MAGI2: variants seen among roughly 807,000 people sequenced by gnomAD.
MAGI2 encodes membrane-associated guanylate kinase, WW and PDZ domain-containing protein 2.
In MAGI2, 35 loss-of-function variants were observed where a neutral mutation model predicts 133.3. That is an observed-to-expected ratio of 0.26 (90% CI 0.20 to 0.35). The LOEUF is 0.35. Ranked by LOEUF, MAGI2 falls within the 10% of genes least tolerant of loss-of-function variation. The pLI is 1.00. For synonymous variants in MAGI2, 729 were observed against 710.6 expected, an observed-to-expected ratio of 1.03 and a Z score of -0.41; for missense variants, 1,636 against 1,863.4, an observed-to-expected ratio of 0.88 and a Z score of 2.25.
chr7:78,358,193 AAAAATATATATATATAT>A (rs1362423421), intron 7 of MAGI2: 3 of 33,548 alleles, frequency 8.9e-5, no homozygotes, highest in African/African-American at 1.6e-4. Flanking sequence ...AAAAAAAAAA[AAAAATATATATATATAT>A]ATATATATAT....
At chr7:79,258,904 C>G (rs907286399) in intron 1 of MAGI2, among the ~76,000 whole-genome samples, 1 of 152,248 alleles carries the variant, frequency 6.6e-6, no homozygotes, top group African/African-American at 2.4e-5. Flanking sequence ...ATGGAGCAAT[C>G]TACTATCTTC....
intron 1 of MAGI2, among the ~76,000 whole-genome samples, chr7:79,436,421 A>G (rs1468676052): frequency 1.3e-5 from 2 of 152,062 alleles, no homozygotes; most frequent in Non-Finnish European, 2.9e-5. Context: ...AGACAACCTA[A>G]AGAATAGGAG....
chr7:78,169,812 A>G (rs1825950319), intron 14 of MAGI2, among the ~76,000 whole-genome samples: 1 of 152,186 alleles, frequency 6.6e-6, no homozygotes, highest in African/African-American at 2.4e-5. Flanking sequence ...CCTGCAACTC[A>G]CTGTAACCAT....
chr7:79,389,359 A>G (rs1225528593), intron 1 of MAGI2, among the ~76,000 whole-genome samples: 1 of 152,124 alleles, frequency 6.6e-6, no homozygotes, highest in Non-Finnish European at 1.5e-5. Flanking sequence ...CTAGGAAATA[A>G]AATTAAATTT....
intron 11 of MAGI2, chr7:78,197,801 C>T (rs1011824881): frequency 4.6e-5 from 7 of 152,406 alleles, no homozygotes; most frequent in African/African-American, 1.7e-4. Context: ...CCCACCACCT[C>T]CTGCCCTGCT....
chr7:78,405,907 T>C (rs1583936201), intron 6 of MAGI2, among the ~76,000 whole-genome samples: 1 of 70,278 alleles, frequency 1.4e-5, no homozygotes, highest in Non-Finnish European at 2.7e-5. Flanking sequence ...CTAGAAAATA[T>C]ACATTTTTGA....
At chr7:78,337,210 G>A (rs188777182) in intron 9 of MAGI2, among the ~76,000 whole-genome samples, 250 of 152,340 alleles carry the variant, frequency 1.6e-3, no homozygotes, top group Non-Finnish European at 2.8e-3. Context: ...TTGCTGGGAT[G>A]TGTAGAATAC....
chr7:78,768,279 AT>A (rs1825229501), intron 2 of MAGI2, among the ~76,000 whole-genome samples: 1 of 152,196 alleles, frequency 6.6e-6, no homozygotes, highest in Non-Finnish European at 1.5e-5. Flanking sequence ...TTTGAGATCC[AT>A]GTTTTCATTA....
At chr7:78,791,471 G>A (rs888866076) in intron 2 of MAGI2, among the ~76,000 whole-genome samples, 3 of 151,768 alleles carry the variant, frequency 2.0e-5, no homozygotes, top group African/African-American at 7.3e-5. Flanking sequence ...AGAAAACAGA[G>A]TTGGGCAAAA....
rs532963989 is a variant in MAGI2 at position 79,324,466 on chromosome 7, C to T, written c.301+128554G>A. 1.5e-4 allele frequency among the ~76,000 whole-genome samples: 11 copies of T among 73,950 alleles called. 2 individuals are homozygous for T. Among genetic ancestry groups the T allele is most frequent in the African/African-American group, 4.5e-4 (10 of 22,102 alleles). The allele number at this position is 73,950 out of a possible 152,430, so 48.5% of individuals were successfully genotyped here. On this transcript the variant is annotated intron_variant, in intron 1 of 21. Transcript: ENST00000354212. ...ATATATATATGGTTATAGATAGATA[C>T]GTTGTGTGTGTATATATACATATAT...
rs76285500 is a variant in MAGI2 at position 78,733,556 on chromosome 7, C to T, written c.419-106317G>A. Among the ~76,000 whole-genome samples the T allele has an allele frequency of 6.9e-4, 105 of 152,102 alleles. No individual in the cohort carries two copies. The East Asian group carries it at 7.9e-3, about 11-fold the overall frequency. ...TCTTTCTGAGTTCCATGTTATTTTCCGGTTAAATAAATTCAGTGAAATCAA... is the reference window on the plus strand; with the variant it reads ...TCTTTCTGAGTTCCATGTTATTTTCTGGTTAAATAAATTCAGTGAAATCAA... On this transcript the variant is annotated intron_variant, in intron 2 of 21. Coordinates refer to ENST00000354212, the MANE Select transcript of MAGI2 (RefSeq NM_012301.4).
intron 1 of MAGI2, among the ~76,000 whole-genome samples, chr7:79,016,013 G>GGGGGGGGGGGGGGGAA (rs1808692130): frequency 1.2e-5 from 1 of 85,228 alleles, no homozygotes; most frequent in Admixed American, 1.2e-4. Flanking sequence ...GGGGGGGGTG[G>GGGGGGGGGGGGGGGAA]GGGTTGAGCA....
chr7:78,430,581 T>C (rs996783906), intron 6 of MAGI2, among the ~76,000 whole-genome samples: 2 of 152,078 alleles, frequency 1.3e-5, no homozygotes, highest in Admixed American at 1.3e-4. Context: ...TCTCTCATAT[T>C]TGATGAAAGT....
intron 3 of MAGI2, among the ~76,000 whole-genome samples, chr7:78,576,608 TACACATAG>T (rs1348365909): frequency 6.8e-6 from 1 of 147,474 alleles, no homozygotes; most frequent in African/African-American, 2.4e-5. Context: ...GAAGGAATGT[TACACATAG>T]ACACCAAGGA....
intron 21 of MAGI2, among the ~76,000 whole-genome samples, chr7:78,066,686 T>A (rs570673630): frequency 6.6e-6 from 1 of 152,238 alleles, no homozygotes; most frequent in South Asian, 2.1e-4. Context: ...TACTAGAAAT[T>A]CTGGAATATC....
At chr7:78,634,680 TG>T (rs1211452363) in intron 2 of MAGI2, among the ~76,000 whole-genome samples, 1 of 152,182 alleles carries the variant, frequency 6.6e-6, no homozygotes, top group African/African-American at 2.4e-5. Flanking sequence ...CAGTTGCTTT[TG>T]CAACTCAAAA....
intron 2 of MAGI2, among the ~76,000 whole-genome samples, chr7:78,961,935 C>G (rs986822253): frequency 2.0e-5 from 3 of 151,612 alleles, no homozygotes; most frequent in Non-Finnish European, 2.9e-5. Context: ...TAGCCTATTG[C>G]TCCCAGGCCA....
intron 6 of MAGI2, among the ~76,000 whole-genome samples, chr7:78,410,961 T>C (rs1797819870): frequency 6.6e-6 from 1 of 151,996 alleles, no homozygotes; most frequent in African/African-American, 2.4e-5. Context: ...GATGTTATCG[T>C]TGATGGTCAG....
chr7:78,826,156 T>A (rs1790611571), intron 2 of MAGI2, among the ~76,000 whole-genome samples: 2 of 151,674 alleles, frequency 1.3e-5, no homozygotes, highest in African/African-American at 4.8e-5. Context: ...GTCGAGACCA[T>A]CCTGCCTAAC....
Sources: gnomAD v4.1 joint callset for allele counts (sites outside exome capture counted in the v4.1 genomes callset) on GRCh38, gnomAD v4.1.1 for gene constraint, MANE v1.5 for transcripts, NCBI Gene and HGNC (gene_info 2026-07-23, HGNC 2026-07-21) for gene names.